Variants in BMPER observed in about 807,000 individuals in gnomAD.
BMPER encodes the protein BMP-binding endothelial regulator protein.
A neutral mutation model predicts 87.3 loss-of-function variants in BMPER; 45 were observed. That is an observed-to-expected ratio of 0.52 (90% CI 0.41 to 0.66). The LOEUF is 0.66. Ranked by LOEUF, BMPER falls within the 30% of genes least tolerant of loss-of-function variation. The probability of loss-of-function intolerance (pLI) is 0.00; values close to 1 mark genes in which losing one functional copy is unlikely to be tolerated. For synonymous variants in BMPER, 326 were observed against 316.2 expected (o/e 1.03, Z -0.33); for missense variants, 784 against 867.5 (o/e 0.90, Z 1.21).
chr7:34,117,078 A>G (rs1262218151), intron 13 of BMPER, among the ~76,000 whole-genome samples: 4 of 152,196 alleles, frequency 2.6e-5, no homozygotes, highest in African/African-American at 9.6e-5. Flanking sequence ...TACATAGACA[A>G]TAACAATTAT....
intron 8 of BMPER, among the ~76,000 whole-genome samples, chr7:34,052,674 GGTT>G (rs1013518409): frequency 1.3e-4 from 20 of 152,306 alleles, no homozygotes; most frequent in African/African-American, 3.8e-4. Context: ...TGGTGGTGAT[GGTT>G]GTTGTTGTTT....
At position 34,155,588 on chromosome 7, in the gene BMPER, G is replaced by C. The variant is rs114019074; in HGVS notation, c.*2315G>C. ...CTCATTTCTAATTGAAGAAGAAAGG[G>C]AGGGCAGAGAGGACAGAAAATTACT... On this transcript the variant is annotated 3_prime_UTR_variant, in exon 15 of 15. Coordinates refer to ENST00000649409, the MANE Select transcript of BMPER (RefSeq NM_001365308.1). The C allele has an allele frequency of 6.6e-6, 1 of 152,320 alleles. No homozygotes were observed. Among genetic ancestry groups the C allele is most frequent in the African/African-American group, 2.4e-5 (1 of 41,584 alleles). The allele number at this position is 152,320 out of a possible 1,614,324, so 9.4% of individuals were successfully genotyped here. A position where few individuals can be genotyped will look rare whatever the true frequency, so the allele number is the denominator to read the frequency against.
intron 13 of BMPER, among the ~76,000 whole-genome samples, chr7:34,114,193 G>C (rs1790053864): frequency 6.6e-6 from 1 of 152,194 alleles, no homozygotes; most frequent in African/African-American, 2.4e-5. Flanking sequence ...ATCTCTGGGA[G>C]TTCACCTCCA....
chr7:33,965,285 A>G (rs1180493136), intron 3 of BMPER, among the ~76,000 whole-genome samples: 1 of 152,222 alleles, frequency 6.6e-6, no homozygotes, highest in Non-Finnish European at 1.5e-5. Flanking sequence ...AGCCCTTTTC[A>G]ATCATTCATA....
At chr7:33,958,898 A>C (rs1256991898) in intron 3 of BMPER, among the ~76,000 whole-genome samples, 1 of 152,184 alleles carries the variant, frequency 6.6e-6, no homozygotes, top group Non-Finnish European at 1.5e-5. Context: ...GGGTGGGGCC[A>C]GGTGGAGATA....
At chr7:34,126,157 G>T (rs570167629) in intron 13 of BMPER, among the ~76,000 whole-genome samples, 1 of 152,318 alleles carries the variant, frequency 6.6e-6, no homozygotes, top group South Asian at 2.1e-4. Context: ...GTCTCAGCAG[G>T]TACTATTGGC....
chr7:33,905,844 C>T (rs1425971893), intron 1 of BMPER, 98 bp downstream of exon 1: 2 of 1,379,572 alleles, frequency 1.4e-6, no homozygotes, highest in Admixed American at 1.9e-5. Flanking sequence ...GGGTGGGGAG[C>T]GCGCACCTTG....
At chr7:34,101,530 A>G (rs1789682173) in intron 13 of BMPER, among the ~76,000 whole-genome samples, 1 of 152,214 alleles carries the variant, frequency 6.6e-6, no homozygotes, top group Non-Finnish European at 1.5e-5. Flanking sequence ...GCTCACAGTT[A>G]TGAGTTGTAA....
intron 3 of BMPER, among the ~76,000 whole-genome samples, chr7:33,959,266 T>A (rs535575665): frequency 2.0e-5 from 3 of 152,314 alleles, no homozygotes; most frequent in African/African-American, 7.2e-5. Context: ...ATTATTTAAA[T>A]TTTCTTTCCT....
chr7:33,935,698 G>T (rs903860552), intron 2 of BMPER, among the ~76,000 whole-genome samples: 2 of 152,114 alleles, frequency 1.3e-5, no homozygotes, highest in African/African-American at 4.8e-5. Context: ...AAACAAAACA[G>T]CAGCAGCAGC....
chr7:33,919,204 T>C (rs930910931), intron 2 of BMPER, among the ~76,000 whole-genome samples: 3 of 152,220 alleles, frequency 2.0e-5, no homozygotes, highest in Admixed American at 2.0e-4. Flanking sequence ...TTTGGAGTTA[T>C]GAAATTTTTG....
chr7:34,119,014 T>TCTCTCTCACACACACACACACACA (rs66493349), intron 13 of BMPER, among the ~76,000 whole-genome samples: 15 of 135,714 alleles, frequency 1.1e-4, no homozygotes, highest in African/African-American at 4.0e-4. Context: ...TCTCTCTCTC[T>TCTCTCTCACACACACACACACACA]CACACACACA....
Position 34,044,585 on chromosome 7 carries a change from A to C in BMPER, c.577-1721A>C, listed in dbSNP as rs150896023. Among the ~76,000 whole-genome samples the C allele has an allele frequency of 2.4e-3, 370 of 152,268 alleles. 2 individuals are homozygous for C. Among genetic ancestry groups the C allele is most frequent in the African/African-American group, 8.4e-3 (349 of 41,548 alleles). On this transcript the variant is annotated intron_variant, in intron 6 of 14. Transcript: ENST00000649409. ...CCACGATTCAGGTTACATGCCCCTGAAGTCTGATGAAAGGCCTCTAACTTT... is the reference window on the plus strand; with the variant it reads ...CCACGATTCAGGTTACATGCCCCTGCAGTCTGATGAAAGGCCTCTAACTTT...
chr7:34,149,161 T>C (rs576592075), intron 14 of BMPER, among the ~76,000 whole-genome samples: 2 of 152,204 alleles, frequency 1.3e-5, no homozygotes, highest in East Asian at 1.9e-4. Context: ...CTGCGGGTAC[T>C]TGTCACAGTG....
At chr7:34,129,610 A>AGAG (rs1790507400) in intron 13 of BMPER, among the ~76,000 whole-genome samples, 73 of 69,650 alleles carry the variant, frequency 1.0e-3, no homozygotes, top group Middle Eastern at 7.4e-3. Context: ...GAGAGAGAGA[A>AGAG]AGAGAGAGAG....
intron 3 of BMPER, among the ~76,000 whole-genome samples, chr7:33,953,083 G>T (rs1291270639): frequency 6.6e-6 from 1 of 152,234 alleles, no homozygotes; most frequent in African/African-American, 2.4e-5. Flanking sequence ...GCAGTCCTCT[G>T]ACTGTCGGAG....
chr7:34,149,774 T>A (rs1013538784), intron 14 of BMPER, among the ~76,000 whole-genome samples: 2 of 152,082 alleles, frequency 1.3e-5, no homozygotes, highest in African/African-American at 4.8e-5. Flanking sequence ...TGTTGGTGGA[T>A]ATGGACATTA....
At chr7:33,981,703 C>T (rs893112163) in intron 6 of BMPER, among the ~76,000 whole-genome samples, 1 of 152,200 alleles carries the variant, frequency 6.6e-6, no homozygotes, top group Non-Finnish European at 1.5e-5. Context: ...TCTCTTCTCT[C>T]TCTGCTACTT....
intron 7 of BMPER, among the ~76,000 whole-genome samples, chr7:34,051,047 T>C (rs973992400): frequency 2.6e-5 from 4 of 152,210 alleles, no homozygotes; most frequent in African/African-American, 9.6e-5. Context: ...TCTTGGAGGC[T>C]GGGAAGTCCA....
Sources: gnomAD v4.1 joint callset for allele counts (sites outside exome capture counted in the v4.1 genomes callset) on GRCh38, gnomAD v4.1.1 for gene constraint, MANE v1.5 for transcripts, NCBI Gene and HGNC (gene_info 2026-07-23, HGNC 2026-07-21) for gene names.